MICALL1: variants seen among roughly 807,000 people sequenced by gnomAD.
MICALL1 encodes the protein MICAL like 1.
In MICALL1, 61 loss-of-function variants were observed where a neutral mutation model predicts 83.7. That is an observed-to-expected ratio of 0.73 (90% CI 0.59 to 0.90). The LOEUF (loss-of-function observed/expected upper bound fraction) is 0.90. Among genes scored for constraint, MICALL1 ranks in the 40% least tolerant of loss-of-function variants. MICALL1 has a pLI of 0.00. For missense variants in MICALL1, 1,066 were observed against 1,152.0 expected (o/e 0.93, Z 1.08); for synonymous variants, 481 against 473.6 (o/e 1.02, Z -0.20).
In MICALL1 at chr22:37,933,099, C is replaced by T. The variant is rs544342343; in HGVS notation, c.2295C>T (p.Leu765=). Residue 765 remains leucine, a synonymous_variant, in exon 13 of 16, where the codon CTC becomes CTT. Transcript: ENST00000215957. Reference sequence around the variant, plus strand: ...ATGTCGAGTATGAGCTCCGGTGCCTCCTCAATAAGCCAGGTGAGTGCAGCC... The same window carrying T: ...ATGTCGAGTATGAGCTCCGGTGCCTTCTCAATAAGCCAGGTGAGTGCAGCC... The part of the protein sequence containing the change: ...QADVEYELRC[L]LNKPEKDWTE... 2 of 1,613,858 alleles carry T rather than the reference C, an allele frequency of 1.2e-6. No individual in the cohort carries two copies. The highest frequency in any genetic ancestry group is 1.3e-5 in the African/African-American group (1 of 75,012).
rs200687572 is a variant in MICALL1 at position 37,922,255 on chromosome 22, C to T, written c.853C>T (p.Arg285Trp). Residue 285 changes from arginine to tryptophan, a missense_variant, in exon 6 of 16, where the codon CGG (arginine) becomes TGG (tryptophan). By Grantham distance (101) the Arg-to-Trp change is moderately radical. Transcript: ENST00000215957. ...CCGGCCGCAGATCCCTACCAAGCCC[C>T]GGGTTCCTGGCAAACTACAGGAGCT... ...EARPQIPTKP[R>W]VPGKLQELAS... is the part of the protein sequence containing the mutation. 474 of 1,592,744 alleles carry T rather than the reference C, an allele frequency of 3.0e-4. No individual in the cohort carries two copies. Among genetic ancestry groups the T allele is most frequent in the Admixed American group, 4.2e-4 (24 of 56,848 alleles).
intron 9 of MICALL1, 123 bp from the exon 10 acceptor site, chr22:37,931,676 T>C (rs1238652151): frequency 5.1e-6 from 6 of 1,166,066 alleles, no homozygotes; most frequent in Non-Finnish European, 7.3e-6. Context: ...AGACTGTCTC[T>C]TTGCCTGGGT....
chr22:37,937,888 A>G (rs1250402979), intron 15 of MICALL1, 96 bp downstream of exon 15: 2 of 1,509,510 alleles, frequency 1.3e-6, no homozygotes, highest in African/African-American at 1.4e-5. Context: ...TGGAGTGGGC[A>G]CTACCAGGAT....
rs1929757348 is a variant in MICALL1, at chr22:37,930,999, T to C, written c.1882-800T>C. On this transcript the variant is annotated intron_variant, in intron 9 of 15. Coordinates refer to ENST00000215957, the MANE Select transcript of MICALL1 (RefSeq NM_033386.4). This position sits in a 1 kb window ranked among gnomAD's most constrained non-coding sequence, Gnocchi z 4.8. Reference sequence around the variant, plus strand: ...GCTTCTAGGGAAACCCCTGCCCTCTTTGAGGCTAGCACAGCCAGGCACCCC... The same window carrying C: ...GCTTCTAGGGAAACCCCTGCCCTCTCTGAGGCTAGCACAGCCAGGCACCCC... Among the ~76,000 whole-genome samples, 1 of 152,192 alleles carries C rather than the reference T, an allele frequency of 6.6e-6. No individual in the cohort carries two copies. Among genetic ancestry groups the C allele is most frequent in the African/African-American group, 2.4e-5 (1 of 41,450 alleles).
intron 9 of MICALL1, among the ~76,000 whole-genome samples, chr22:37,928,453 G>A (rs372742458): frequency 4.6e-5 from 7 of 152,312 alleles, no homozygotes; most frequent in East Asian, 1.9e-4. Context: ...CGATCCACCC[G>A]CCTTGGCCTC....
At position 37,906,455 on chromosome 22, in the gene MICALL1, G is replaced by T; in HGVS notation, c.33G>T (p.Trp11Cys). ...GGCCGCGGGGCGCGCTGCTGGCCTG[G>T]TGCCGCCGCCAGTGCGAGGGCTACC... The part of the protein sequence containing the change: MAGPRGALLA[W>C]CRRQCEGYRG... Residue 11 changes from tryptophan to cysteine, a missense_variant, in exon 1 of 16, where the codon TGG becomes TGT. Transcript: ENST00000215957. The surrounding 1 kb of genome is among the most constrained non-coding windows in gnomAD (Gnocchi z 4.4). 8.3e-7 allele frequency: 1 copy of T among 1,205,974 alleles called. No individual in the cohort carries two copies. The highest frequency in any genetic ancestry group is 1.0e-6 in the Non-Finnish European group (1 of 966,720). 74.7% of individuals were successfully genotyped at this position (1,205,974 alleles called of 1,614,324 possible).
In MICALL1 at chr22:37,924,143, G is replaced by C. The variant is rs1227453673; in HGVS notation, c.1025-517G>C. On this transcript the variant is annotated intron_variant, in intron 6 of 15. Transcript: ENST00000215957. This position sits in a 1 kb window ranked among gnomAD's most constrained non-coding sequence, Gnocchi z 5.2. ...TGCACCAGAACATTCTATTTGTTCA[G>C]CTCTTGTGGAGGCTGGATCTGAGCT... Among the ~76,000 whole-genome samples, 6 of 152,210 alleles carry C rather than the reference G, an allele frequency of 3.9e-5. No individual in the cohort carries two copies. The highest frequency in any genetic ancestry group is 1.4e-4 in the African/African-American group (6 of 41,456).
chr22:37,918,462 TC>T (rs1257623905), intron 4 of MICALL1, among the ~76,000 whole-genome samples: 2 of 152,190 alleles, frequency 1.3e-5, no homozygotes, highest in East Asian at 3.8e-4. Context: ...GGGTGGGTGC[TC>T]CATGAGGGTA....
intron 9 of MICALL1, 134 bp from the exon 10 acceptor site, chr22:37,931,665 G>A: frequency 9.9e-7 from 1 of 1,011,064 alleles, no homozygotes. Context: ...GGAATTCAAG[G>A]AGACTGTCTC....
chr22:37,923,787 C>T (rs929655319), intron 6 of MICALL1, among the ~76,000 whole-genome samples: 1 of 152,258 alleles, frequency 6.6e-6, no homozygotes, highest in African/African-American at 2.4e-5. Flanking sequence ...GTGTCCTGGC[C>T]CATCCACAGG....
intron 6 of MICALL1, among the ~76,000 whole-genome samples, chr22:37,923,876 A>C (rs1929252818): frequency 6.6e-6 from 1 of 151,894 alleles, no homozygotes; most frequent in African/African-American, 2.4e-5. Context: ...CTTGGGGGAG[A>C]GCAGAGGGGT....
chr22:37,930,690 G>A lies in MICALL1; in HGVS notation c.1882-1109G>A, dbSNP rs1040969524. ...GCAGTGGAGCTGCCCGGCCTGTGCT[G>A]GCCTCAGAGAGGGCGGGGGTCTCCC... On this transcript the variant is annotated intron_variant, in intron 9 of 15. Coordinates refer to ENST00000215957, the MANE Select transcript of MICALL1 (RefSeq NM_033386.4). This position sits in a 1 kb window ranked among gnomAD's most constrained non-coding sequence, Gnocchi z 4.8. Among the ~76,000 whole-genome samples the A allele has an allele frequency of 3.3e-5, 5 of 152,224 alleles. No individual in the cohort carries two copies. Among genetic ancestry groups the A allele is most frequent in the African/African-American group, 1.2e-4 (5 of 41,462 alleles).
intron 6 of MICALL1, among the ~76,000 whole-genome samples, 183 bp downstream of exon 6, chr22:37,922,609 T>A (rs1365621625): frequency 1.0e-3 from 98 of 94,040 alleles, no homozygotes; most frequent in African/African-American, 3.7e-3. Context: ...ATATTTTTTT[T>A]TTTTTTTTTT....
Position 37,925,900 on chromosome 22 carries a change from C to T in MICALL1, c.1322C>T (p.Ala441Val). The T allele has an allele frequency of 6.2e-7, 1 of 1,612,794 alleles. No homozygotes were observed. The highest frequency in any genetic ancestry group is 1.1e-5 in the South Asian group (1 of 90,956). The change falls in exon 8 of 16, where the codon GCA (alanine) becomes GTA (valine). Residue 441 changes from alanine to valine, a missense_variant. By Grantham distance (64) the Ala-to-Val change is moderately conservative. Coordinates refer to ENST00000215957, the MANE Select transcript of MICALL1 (RefSeq NM_033386.4). ...GACAAGGAGGAAGAGGCTCCAGCTG[C>T]ACCCAGCCTGGCCACCAGCCCTGCC... Reference protein sequence around the residue: ...EEDKEEEAPAAPSLATSPALG... With the variant: ...EEDKEEEAPAVPSLATSPALG...
At chr22:37,910,472 C>T (rs180900849) in intron 1 of MICALL1, among the ~76,000 whole-genome samples, 3 of 152,146 alleles carry the variant, frequency 2.0e-5, no homozygotes, top group East Asian at 1.9e-4. Flanking sequence ...TGAACCGGAC[C>T]GGGAGACAGA....
chr22:37,914,929 A>G (rs1601808923), intron 3 of MICALL1, among the ~76,000 whole-genome samples: 1 of 149,354 alleles, frequency 6.7e-6, no homozygotes, highest in East Asian at 2.1e-4. Context: ...GGCATGAGCC[A>G]CTATGCCCAG....
At chr22:37,940,409 C>T (rs1930371997) in intron 15 of MICALL1, among the ~76,000 whole-genome samples, 3 of 151,706 alleles carry the variant, frequency 2.0e-5, no homozygotes, top group Admixed American at 6.6e-5. Flanking sequence ...GGCGACAAAG[C>T]GACTCAGTCT....
At chr22:37,915,911 T>G (rs1928647574) in intron 3 of MICALL1, among the ~76,000 whole-genome samples, 1 of 152,226 alleles carries the variant, frequency 6.6e-6, no homozygotes, top group South Asian at 2.1e-4. Context: ...CCTCCCAAAG[T>G]GCTGGGATTA....
intron 2 of MICALL1, 64 bp downstream of exon 2, chr22:37,912,064 T>C: frequency 7.0e-7 from 1 of 1,433,370 alleles, no homozygotes; most frequent in Non-Finnish European, 9.8e-7. Context: ...TGTGTGTGTG[T>C]TTGGTGGGGA....
Sources: gnomAD v4.1 joint callset for allele counts (sites outside exome capture counted in the v4.1 genomes callset) on GRCh38, gnomAD v4.1.1 for gene constraint, Gnocchi (gnomAD v3.1) non-coding constraint, MANE v1.5 for transcripts, NCBI Gene and HGNC (gene_info 2026-07-23, HGNC 2026-07-21) for gene names.